DYNC2H1: variants seen among roughly 807,000 people sequenced by gnomAD.
DYNC2H1 encodes the protein cytoplasmic dynein 2 heavy chain 1.
A neutral mutation model predicts 570.0 loss-of-function variants in DYNC2H1; 410 were observed. The observed-to-expected ratio is 0.72, with a 90% CI of 0.66 to 0.78. The LOEUF is 0.78. Among genes scored for constraint, DYNC2H1 ranks in the 30% least tolerant of loss-of-function variants. DYNC2H1 has a pLI of 0.00. For missense variants in DYNC2H1, 4,865 were observed against 5,046.4 expected (o/e 0.96, Z 1.09); for synonymous variants, 1,688 against 1,677.6 (o/e 1.01, Z -0.15).
At chr11:103,188,755 TG>T (rs1862180150) in intron 44 of DYNC2H1, 107 bp downstream of exon 44, 1 of 947,740 alleles carries the variant, frequency 1.1e-6, no homozygotes, top group Non-Finnish European at 1.4e-6. Flanking sequence ...AATATAAAAA[TG>T]GTCAAACTTA....
chr11:103,449,833 C>G (rs1591773842), intron 85 of DYNC2H1, among the ~76,000 whole-genome samples: 2 of 152,128 alleles, frequency 1.3e-5, no homozygotes, highest in Middle Eastern at 3.4e-3. Flanking sequence ...TTTCTTCTAC[C>G]TAATACATAT....
At chr11:103,417,919 T>G (rs3133272) in intron 84 of DYNC2H1, among the ~76,000 whole-genome samples, 74,781 of 148,798 alleles carry the variant, frequency 0.5, 18,971 homozygotes, top group African/African-American at 0.59. Context: ...CATAATAGAC[T>G]CATAAAGAAA....
At chr11:103,197,865 G>C in intron 47 of DYNC2H1, 68 bp from the exon 48 acceptor site, 1 of 1,474,946 alleles carries the variant, frequency 6.8e-7, no homozygotes, top group Non-Finnish European at 9.2e-7. Context: ...GTTTTAGTAG[G>C]CAATGTATTT....
intron 69 of DYNC2H1, among the ~76,000 whole-genome samples, chr11:103,258,545 G>A (rs1384855881): frequency 2.0e-5 from 3 of 151,244 alleles, no homozygotes; most frequent in African/African-American, 7.4e-5. Context: ...TAAGACAGGT[G>A]CTTCACTTGC....
chr11:103,381,306 GA>G (rs1380353537), intron 83 of DYNC2H1, among the ~76,000 whole-genome samples: 1 of 152,088 alleles, frequency 6.6e-6, no homozygotes, highest in East Asian at 1.9e-4. Context: ...CACAGTTTTT[GA>G]AACATGTGGA....
At chr11:103,445,337 G>A (rs188505239) in intron 85 of DYNC2H1, among the ~76,000 whole-genome samples, 1 of 152,070 alleles carries the variant, frequency 6.6e-6, no homozygotes, top group East Asian at 1.9e-4. Context: ...GGACATTTGG[G>A]GCTTCTTTCT....
At chr11:103,376,411 T>C (rs1044146812) in intron 83 of DYNC2H1, among the ~76,000 whole-genome samples, 3 of 152,216 alleles carry the variant, frequency 2.0e-5, no homozygotes, top group African/African-American at 7.2e-5. Context: ...TAAATCTGGT[T>C]TGGTTGTTTC....
chr11:103,441,044 C>G (rs1216859762), intron 85 of DYNC2H1, among the ~76,000 whole-genome samples: 1 of 152,172 alleles, frequency 6.6e-6, no homozygotes, highest in Admixed American at 6.5e-5. Context: ...ATCCCCATGA[C>G]TAGTCATCTT....
chr11:103,273,178 T>G (rs991420075), intron 70 of DYNC2H1, among the ~76,000 whole-genome samples: 1 of 151,056 alleles, frequency 6.6e-6, no homozygotes, highest in Non-Finnish European at 1.5e-5. Flanking sequence ...TCTCTTCTCT[T>G]TCTTTTCTTT....
Position 103,186,575 on chromosome 11 carries a change from TTA to T in DYNC2H1, c.6893+76_6893+77del. 2 of 1,516,696 alleles carry T rather than the reference TTA, an allele frequency of 1.3e-6. No individual in the cohort carries two copies. The highest frequency in any genetic ancestry group is 4.2e-5 in the Admixed American group (2 of 47,456). 94.0% of individuals were successfully genotyped at this position (1,516,696 alleles called of 1,614,324 possible). A position where few individuals can be genotyped will look rare whatever the true frequency, so the allele number is the denominator to read the frequency against. On this transcript the variant is annotated intron_variant, in intron 42 of 88. Transcript: ENST00000375735. The surrounding 1 kb of genome is among the most constrained non-coding windows in gnomAD (Gnocchi z 4.5). ...CCCCTAATTGATTTAATGGCTTTTG[TTA>T]TGTTTCTTTTGGTTAAAGTAGCATT... is the stretch of plus-strand genomic sequence containing the variant.
intron 32 of DYNC2H1, 141 bp downstream of exon 32, chr11:103,169,101 A>G: frequency 1.2e-6 from 1 of 804,978 alleles, no homozygotes; most frequent in East Asian, 3.0e-5. Context: ...TTTAATCAGA[A>G]TTAGAAAGGT....
chr11:103,425,622 A>C (rs1177919750), intron 84 of DYNC2H1, among the ~76,000 whole-genome samples: 1 of 152,174 alleles, frequency 6.6e-6, no homozygotes, highest in African/African-American at 2.4e-5. Context: ...ATATGAAAAG[A>C]TGAGGTTTGA....
In DYNC2H1 at chr11:103,120,751, A is replaced by G. The variant is rs1450959406; in HGVS notation, c.1197A>G (p.Ile399Met). The G allele has an allele frequency of 3.1e-6, 5 of 1,599,106 alleles. No homozygotes were observed. The Admixed American group carries it at 8.7e-5, about 28-fold the overall frequency. Residue 399 changes from isoleucine to methionine, a missense_variant, in exon 8 of 89, where the codon ATA (isoleucine) becomes ATG (methionine). Coordinates refer to ENST00000375735, the MANE Select transcript of DYNC2H1 (RefSeq NM_001377.3). ...TTATTGCACCTGCGGAACAAAAAATAGCAGGAAAATTGAAAAATTATATTT... is the reference window on the plus strand; with the variant it reads ...TTATTGCACCTGCGGAACAAAAAATGGCAGGAAAATTGAAAAATTATATTT... ...EKIIAPAEQK[I>M]AGKLKNYISE...
At chr11:103,474,914 A>G (rs75091327) in intron 88 of DYNC2H1, among the ~76,000 whole-genome samples, 3,459 of 152,224 alleles carry the variant, frequency 0.023, 85 homozygotes, top group African/African-American at 0.054. Context: ...TCTTCTTTCA[A>G]ATAGTAGTGT....
Position 103,420,776 on chromosome 11 carries a change from C to T in DYNC2H1, c.12367-15167C>T, listed in dbSNP as rs756753959. ...TGTTACCAGCCACTACAAAAACACA[C>T]TGAGGAACACAGACCAGTGACACTA... On this transcript the variant is annotated intron_variant, in intron 84 of 88. Coordinates refer to ENST00000375735, the MANE Select transcript of DYNC2H1 (RefSeq NM_001377.3). Among the ~76,000 whole-genome samples, 4 of 152,174 alleles carry T rather than the reference C, an allele frequency of 2.6e-5. 1 individual carries two copies. The highest frequency in any genetic ancestry group is 7.2e-5 in the African/African-American group (3 of 41,444).
At chr11:103,355,519 C>G (rs536652858) in intron 82 of DYNC2H1, among the ~76,000 whole-genome samples, 2 of 152,170 alleles carry the variant, frequency 1.3e-5, no homozygotes, top group African/African-American at 4.8e-5. Flanking sequence ...GATCAGAAAT[C>G]ATTTGGGGTG....
chr11:103,356,044 C>T (rs1797233282), intron 82 of DYNC2H1, among the ~76,000 whole-genome samples: 2 of 152,008 alleles, frequency 1.3e-5, no homozygotes, highest in Admixed American at 6.6e-5. Context: ...CAAAGCATGC[C>T]AGTAGCATAA....
In DYNC2H1 at chr11:103,201,606, T is replaced by C. The variant is rs1862722583; in HGVS notation, c.8197+1452T>C. On this transcript the variant is annotated intron_variant, in intron 50 of 88. Transcript: ENST00000375735. This position sits in a 1 kb window ranked among gnomAD's most constrained non-coding sequence, Gnocchi z 4.8. ...TCATTTGGCTATTGTGACTCCCTAA[T>C]TGAGTCTCTGCAACCTGAACTAAGA... Among the ~76,000 whole-genome samples the C allele has an allele frequency of 6.6e-6, 1 of 152,174 alleles. No individual in the cohort carries two copies. The highest frequency in any genetic ancestry group is 6.6e-5 in the Admixed American group (1 of 15,266).
intron 40 of DYNC2H1, among the ~76,000 whole-genome samples, chr11:103,184,550 A>T (rs17374401): frequency 0.088 from 13,409 of 151,846 alleles, 780 homozygotes; most frequent in Non-Finnish European, 0.12. Context: ...TGGCTCTTGT[A>T]TTCTTTTTAT....
Sources: gnomAD v4.1 joint callset for allele counts (sites outside exome capture counted in the v4.1 genomes callset) on GRCh38, gnomAD v4.1.1 for gene constraint, Gnocchi (gnomAD v3.1) non-coding constraint, MANE v1.5 for transcripts, NCBI Gene and HGNC (gene_info 2026-07-23, HGNC 2026-07-21) for gene names.